TBCK: variants seen among roughly 807,000 people sequenced by gnomAD.
TBCK encodes TBC domain-containing protein kinase-like protein.
Under a neutral mutation model 113.4 loss-of-function variants are expected in TBCK, and 99 were observed. The ratio of observed to expected loss-of-function variants is 0.87; its 90% CI spans 0.74 to 1.03. The LOEUF (loss-of-function observed/expected upper bound fraction) is 1.03, where lower values mean the gene tolerates loss of function less well. Among genes scored for constraint, TBCK ranks in the 50% least tolerant of loss-of-function variants. TBCK has a pLI of 0.00. For missense variants in TBCK, 1,045 were observed against 1,061.3 expected, an observed-to-expected ratio of 0.98 and a Z score of 0.21; for synonymous variants, 369 against 370.8, an observed-to-expected ratio of 1.00 and a Z score of 0.05.
intron 25 of TBCK, among the ~76,000 whole-genome samples, chr4:106,049,493 G>C (rs554262222): frequency 2.6e-5 from 4 of 152,202 alleles, no homozygotes; most frequent in South Asian, 4.1e-4. Flanking sequence ...TGTGGCTATA[G>C]CTTGACAGGT....
chr4:106,240,718 A>G (rs2150026255), intron 12 of TBCK, among the ~76,000 whole-genome samples: 1 of 152,150 alleles, frequency 6.6e-6, no homozygotes, highest in South Asian at 2.1e-4. Flanking sequence ...CTAGAAAAGA[A>G]CTATAAACAA....
intron 19 of TBCK, among the ~76,000 whole-genome samples, chr4:106,216,312 A>C (rs1360720483): frequency 6.6e-6 from 1 of 151,808 alleles, no homozygotes; most frequent in African/African-American, 2.4e-5. Context: ...AAGAACAAGA[A>C]AAGCAAGAGC....
At chr4:106,204,271 G>A (rs1755203133) in intron 20 of TBCK, among the ~76,000 whole-genome samples, 1 of 152,158 alleles carries the variant, frequency 6.6e-6, no homozygotes, top group Non-Finnish European at 1.5e-5. Context: ...TATGTAATTA[G>A]TATATGGAAT....
At chr4:106,156,119 T>A (rs1334184335) in intron 23 of TBCK, among the ~76,000 whole-genome samples, 1 of 152,202 alleles carries the variant, frequency 6.6e-6, no homozygotes, top group African/African-American at 2.4e-5. Context: ...AACACTATTG[T>A]TCTTGCAGAC....
intron 23 of TBCK, among the ~76,000 whole-genome samples, chr4:106,133,005 G>A (rs554043603): frequency 5.3e-5 from 8 of 152,184 alleles, no homozygotes; most frequent in South Asian, 4.1e-4. Context: ...TCTCAGATGA[G>A]ACTTTGGACT....
intron 3 of TBCK, among the ~76,000 whole-genome samples, chr4:106,271,677 A>T (rs1433596198): frequency 6.6e-6 from 1 of 151,024 alleles, no homozygotes; most frequent in Non-Finnish European, 1.5e-5. Flanking sequence ...GCTTGAACCC[A>T]GGAGGCAGAG....
chr4:106,177,948 C>G (rs1256056883), intron 22 of TBCK, among the ~76,000 whole-genome samples: 2 of 151,936 alleles, frequency 1.3e-5, no homozygotes, highest in Non-Finnish European at 2.9e-5. Context: ...ATTAATTCTT[C>G]TAATCTATAA....
chr4:106,173,130 C>T (rs186395152), intron 22 of TBCK, among the ~76,000 whole-genome samples: 1 of 152,084 alleles, frequency 6.6e-6, no homozygotes, highest in African/African-American at 2.4e-5. Flanking sequence ...TATGCTATTC[C>T]TAATATAAAA....
chr4:106,253,061 C>G (rs1456953326), intron 5 of TBCK, among the ~76,000 whole-genome samples: 1 of 152,006 alleles, frequency 6.6e-6, no homozygotes, highest in Non-Finnish European at 1.5e-5. Context: ...AAATTATCAC[C>G]AAAAGTCCCT....
At chr4:106,229,391 G>C (rs964846455) in intron 19 of TBCK, among the ~76,000 whole-genome samples, 45 of 152,124 alleles carry the variant, frequency 3.0e-4, no homozygotes, top group African/African-American at 1.1e-3. Context: ...TTAGATTTAA[G>C]ACTTTAAACC....
chr4:106,161,180 G>A (rs1579086257), intron 23 of TBCK, among the ~76,000 whole-genome samples: 1 of 152,054 alleles, frequency 6.6e-6, no homozygotes, highest in African/African-American at 2.4e-5. Flanking sequence ...ACTTAAAATG[G>A]TTAAGGTGGT....
At chr4:106,075,743 T>C (rs1738112224) in intron 25 of TBCK, among the ~76,000 whole-genome samples, 1 of 152,166 alleles carries the variant, frequency 6.6e-6, no homozygotes, top group African/African-American at 2.4e-5. Flanking sequence ...TAGAAAACAT[T>C]TGGCAATCTT....
chr4:106,157,750 G>A (rs1341151224), intron 23 of TBCK, among the ~76,000 whole-genome samples: 1 of 152,104 alleles, frequency 6.6e-6, no homozygotes, highest in African/African-American at 2.4e-5. Flanking sequence ...TTAAAACCAG[G>A]TACTGTGAGT....
chr4:106,122,928 G>A (rs1744634923), intron 23 of TBCK, among the ~76,000 whole-genome samples: 2 of 152,158 alleles, frequency 1.3e-5, no homozygotes, highest in South Asian at 4.1e-4. Flanking sequence ...CATACTGAAT[G>A]GGCAAAAACT....
rs1759516319 is a variant in TBCK, at chr4:106,236,754, C to T, written c.1220+5G>A. ...TAAATCTAAAATGAGACTACATATACTCACTCATCTTCAAGTAATGGGTAA... is the reference window on the plus strand; with the variant it reads ...TAAATCTAAAATGAGACTACATATATTCACTCATCTTCAAGTAATGGGTAA... On this transcript the variant is annotated splice_donor_5th_base_variant and intron_variant, in intron 13 of 25. Transcript: ENST00000394708. The T allele has an allele frequency of 6.8e-7, 1 of 1,474,224 alleles. No homozygotes were observed. The highest frequency in any genetic ancestry group is 9.1e-7 in the Non-Finnish European group (1 of 1,099,192). The allele number at this position is 1,474,224 out of a possible 1,614,324, so 91.3% of individuals were successfully genotyped here. A position where few individuals can be genotyped will look rare whatever the true frequency, so the allele number is the denominator to read the frequency against.
intron 24 of TBCK, among the ~76,000 whole-genome samples, chr4:106,110,341 C>G (rs370518673): frequency 8.5e-5 from 13 of 152,112 alleles, no homozygotes; most frequent in African/African-American, 2.9e-4. Flanking sequence ...CAATGGACTG[C>G]GATAGAACCC....
chr4:106,060,979 G>C (rs1410815239), intron 25 of TBCK, among the ~76,000 whole-genome samples: 1 of 151,698 alleles, frequency 6.6e-6, no homozygotes, highest in Non-Finnish European at 1.5e-5. Context: ...CCTGAGATGT[G>C]GCTGAACTGC....
rs773120262 is a variant in TBCK at position 106,171,139 on chromosome 4, G to A, written c.2191C>T (p.Pro731Ser). The A allele has an allele frequency of 1.9e-6, 3 of 1,612,506 alleles. No individual in the cohort carries two copies. The highest frequency in any genetic ancestry group is 1.7e-6 in the Non-Finnish European group (2 of 1,179,284). The change falls in exon 23 of 26, where the codon CCT (proline) becomes TCT (serine). Residue 731 changes from proline (P) to serine (S), a missense_variant. Transcript: ENST00000394708. The stretch of plus-strand genomic sequence containing the variant: ...TCTGGACACTCAGCAGAGAAATAAG[G>A]TGCCGAACTTCTGCCTCCACTGCTG... ...SDSSGGRSSA[P>S]YFSAECPDPP... is the part of the protein sequence containing the mutation.
At chr4:106,255,216 G>A (rs909851108) in intron 5 of TBCK, among the ~76,000 whole-genome samples, 4 of 152,144 alleles carry the variant, frequency 2.6e-5, no homozygotes, top group African/African-American at 9.7e-5. Flanking sequence ...AACATATCAC[G>A]GGATTTTGTG....
Sources: gnomAD v4.1 joint callset for allele counts (sites outside exome capture counted in the v4.1 genomes callset) on GRCh38, gnomAD v4.1.1 for gene constraint, MANE v1.5 for transcripts, NCBI Gene and HGNC (gene_info 2026-07-23, HGNC 2026-07-21) for gene names.